Variants in FAM53A observed in about 807,000 individuals in gnomAD.
FAM53A encodes protein FAM53A.
In FAM53A, 28 loss-of-function variants were observed where a neutral mutation model predicts 26.6. The observed-to-expected ratio is 1.05, with a 90% CI of 0.78 to 1.45. FAM53A has a LOEUF of 1.45. FAM53A is among the 40% of genes most tolerant of loss of function. The probability of loss-of-function intolerance (pLI) is 0.00; values close to 1 mark genes in which losing one functional copy is unlikely to be tolerated. For synonymous variants in FAM53A, 290 were observed against 253.1 expected (o/e 1.15, Z -1.38); for missense variants, 650 against 575.8 (o/e 1.13, Z -1.32).
At chr4:1,684,585 T>C (rs981128718), upstream of FAM53A, among the ~76,000 whole-genome samples, 25 of 151,562 alleles carry the variant, frequency 1.6e-4, no homozygotes, top group African/African-American at 5.3e-4. Context: ...GGCGGCGTCC[T>C]CCAGGCCTAG....
chr4:1,648,112 G>C (rs1712407927), intron 4 of FAM53A, among the ~76,000 whole-genome samples: 2 of 152,200 alleles, frequency 1.3e-5, no homozygotes, highest in Non-Finnish European at 2.9e-5. Flanking sequence ...AGGAGGCTGA[G>C]GTGGGAGGAT....
chr4:1,628,043 G>A (rs535562752), intron 1 of FAM53A, among the ~76,000 whole-genome samples: 1 of 117,480 alleles, frequency 8.5e-6, no homozygotes, highest in African/African-American at 3.3e-5. Flanking sequence ...GGCACGGGGG[G>A]AGGGTGCACC....
the FAM53A span, among the ~76,000 whole-genome samples, chr4:1,599,567 A>G: frequency 6.6e-6 from 1 of 152,154 alleles, no homozygotes; most frequent in Non-Finnish European, 1.5e-5. This position sits in a 1 kb window ranked among gnomAD's most constrained non-coding sequence, Gnocchi z 6.1. Flanking sequence ...CAAATAGCAC[A>G]ATTTTCAAGG....
intron 1 of FAM53A, among the ~76,000 whole-genome samples, chr4:1,670,266 C>T (rs1386958145): frequency 5.9e-5 from 9 of 152,266 alleles, no homozygotes; most frequent in African/African-American, 1.2e-4. Flanking sequence ...AATGTACACA[C>T]ACAACCGCTC....
At chr4:1,653,092 C>T (rs1191692098) in intron 4 of FAM53A, among the ~76,000 whole-genome samples, 7 of 137,032 alleles carry the variant, frequency 5.1e-5, no homozygotes, top group Non-Finnish European at 1.0e-4. Flanking sequence ...ACACCACATA[C>T]ACCACACAGA....
chr4:1,580,515 G>T, the FAM53A span, among the ~76,000 whole-genome samples: 2 of 49,842 alleles, frequency 4.0e-5, no homozygotes, highest in African/African-American at 8.2e-5. Flanking sequence ...GACCCCACCC[G>T]CCTCCCGCCC....
At chr4:1,582,975 C>T in the FAM53A span, among the ~76,000 whole-genome samples, 105 of 152,314 alleles carry the variant, frequency 6.9e-4, no homozygotes, top group African/African-American at 2.3e-3. Context: ...ATTGATTTGA[C>T]GACTCTTTCT....
At chr4:1,658,561 G>C (rs1186228550) in intron 2 of FAM53A, among the ~76,000 whole-genome samples, 1 of 152,262 alleles carries the variant, frequency 6.6e-6, no homozygotes, top group Non-Finnish European at 1.5e-5. Context: ...GAGACGTCCA[G>C]AGGGCAGGGT....
intron 1 of FAM53A, among the ~76,000 whole-genome samples, chr4:1,626,379 G>A (rs1216915631): frequency 3.3e-5 from 5 of 152,220 alleles, no homozygotes; most frequent in African/African-American, 7.2e-5. Flanking sequence ...GGAGCCCGAC[G>A]CAGACCAGAG....
intron 1 of FAM53A, among the ~76,000 whole-genome samples, chr4:1,622,437 C>T (rs1715083861): frequency 6.6e-6 from 1 of 152,242 alleles, no homozygotes; most frequent in Admixed American, 6.5e-5. Context: ...AGGCCCTGGC[C>T]CCACGGCCCC....
At chr4:1,674,512 A>G (rs1714896221) in intron 1 of FAM53A, among the ~76,000 whole-genome samples, 1 of 152,056 alleles carries the variant, frequency 6.6e-6, no homozygotes, top group South Asian at 2.1e-4. Context: ...TACTAAAAAT[A>G]TAAAAAATTA....
chr4:1,586,550 C>T, the FAM53A span, among the ~76,000 whole-genome samples: 1,519 of 151,868 alleles, frequency 0.01, 21 homozygotes, highest in African/African-American at 0.034. Context: ...CCGAGGCGGG[C>T]GGATCACGAG....
At chr4:1,624,386 C>A (rs570274291) in intron 1 of FAM53A, among the ~76,000 whole-genome samples, 3 of 152,186 alleles carry the variant, frequency 2.0e-5, no homozygotes, top group Non-Finnish European at 4.4e-5. Context: ...CTGAGGGGGA[C>A]TGGTGCTTCA....
chr4:1,607,633 T>C, the FAM53A span, among the ~76,000 whole-genome samples: 1 of 152,026 alleles, frequency 6.6e-6, no homozygotes, highest in African/African-American at 2.4e-5. Flanking sequence ...AATCAAGCCA[T>C]GCCAAGCCCT....
At chr4:1,660,397 G>A (rs1713739870) in intron 2 of FAM53A, among the ~76,000 whole-genome samples, 1 of 151,968 alleles carries the variant, frequency 6.6e-6, no homozygotes, top group African/African-American at 2.4e-5. Flanking sequence ...AGGAGTTTGA[G>A]AACAGCCTGG....
chr4:1,596,862 G>A, the FAM53A span, among the ~76,000 whole-genome samples: 10 of 152,138 alleles, frequency 6.6e-5, no homozygotes. Flanking sequence ...GAGACGGAGT[G>A]GGGAGAGACA....
intron 1 of FAM53A, among the ~76,000 whole-genome samples, chr4:1,626,013 C>T (rs757720315): frequency 1.4e-4 from 22 of 152,182 alleles, no homozygotes; most frequent in Non-Finnish European, 2.5e-4. Flanking sequence ...TTCCAGGAGG[C>T]GGCCCAGCAT....
the FAM53A span, among the ~76,000 whole-genome samples, chr4:1,604,838 C>G: frequency 3.3e-5 from 5 of 152,192 alleles, no homozygotes; most frequent in Non-Finnish European, 5.9e-5. Context: ...CACCCCCACC[C>G]TGCGGCGGCT....
chr4:1,668,302 G>A (rs999422498), intron 2 of FAM53A, among the ~76,000 whole-genome samples: 1 of 152,110 alleles, frequency 6.6e-6, no homozygotes, highest in African/African-American at 2.4e-5. Context: ...ACCGTGCCCG[G>A]CTAATTTTTG....
Sources: gnomAD v4.1 joint callset for allele counts (sites outside exome capture counted in the v4.1 genomes callset) on GRCh38, gnomAD v4.1.1 for gene constraint, Gnocchi (gnomAD v3.1) non-coding constraint, MANE v1.5 for transcripts, NCBI Gene and HGNC (gene_info 2026-07-23, HGNC 2026-07-21) for gene names.